THAP5: variants seen among roughly 807,000 people sequenced by gnomAD.
THAP5 encodes the protein THAP domain containing 5.
Under a neutral mutation model 34.0 loss-of-function variants are expected in THAP5, and 26 were observed. The ratio of observed to expected loss-of-function variants is 0.77; its 90% CI spans 0.56 to 1.06. The LOEUF (loss-of-function observed/expected upper bound fraction) is 1.06, where lower values mean the gene tolerates loss of function less well. Ranked by LOEUF, THAP5 falls within the 50% of genes least tolerant of loss-of-function variation. THAP5 has a pLI of 0.00. For synonymous variants in THAP5, 125 were observed against 153.0 expected (o/e 0.82, Z 1.35); for missense variants, 394 against 452.8 (o/e 0.87, Z 1.18).
the THAP5 span, among the ~76,000 whole-genome samples, chr7:108,544,155 C>T: frequency 6.6e-6 from 1 of 152,118 alleles, no homozygotes; most frequent in Non-Finnish European, 1.5e-5. Context: ...AAGTGATTTT[C>T]CTGATGAAGT....
At chr7:108,556,591 T>C (rs956437386) in intron 1 of THAP5, among the ~76,000 whole-genome samples, 2 of 152,228 alleles carry the variant, frequency 1.3e-5, no homozygotes, top group African/African-American at 2.4e-5. Context: ...ATCCAAGGCA[T>C]GCTGATGCAA....
chr7:108,552,103 C>T (rs1401914743), downstream of THAP5, among the ~76,000 whole-genome samples: 4 of 152,142 alleles, frequency 2.6e-5, no homozygotes, highest in Non-Finnish European at 5.9e-5. Context: ...TACACTTTCA[C>T]TTAACCTCTG....
Position 108,569,629 on chromosome 7 carries a change from C to G in THAP5, c.-60G>C. 3.9e-6 allele frequency: 6 copies of G among 1,541,596 alleles called. No individual in the cohort carries two copies. In the South Asian group the frequency reaches 7.2e-5, roughly 18 times the overall value. On this transcript the variant is annotated 5_prime_UTR_variant, in exon 1 of 3. Transcript: ENST00000415914. ...GACGGATGCAGGGCGGCCCTCCTCA[C>G]TGAGGATGCGCCACAGGTCCAGGCC...
rs1440006340 is a variant in THAP5 at position 108,564,195 on chromosome 7, A to G, written c.1184T>C (p.Ile395Thr). The G allele has an allele frequency of 6.3e-7, 1 of 1,576,934 alleles. No individual in the cohort carries two copies. Among genetic ancestry groups the G allele is most frequent in the South Asian group, 1.2e-5 (1 of 85,718 alleles). Residue 395 changes from isoleucine (I) to threonine (T), a missense_variant, in exon 3 of 3, where the codon ATA becomes ACA. Ile to Thr is a moderately conservative substitution (Grantham distance 89). Coordinates refer to ENST00000415914, the MANE Select transcript of THAP5 (RefSeq NM_001130475.3). ...NHFTTYEVTM[I>T] ...TAGTTTTAAAACCTAGTTATTCTATATCATAGTGACTTCATATGTTGTAAA... is the reference window on the plus strand; with the variant it reads ...TAGTTTTAAAACCTAGTTATTCTATGTCATAGTGACTTCATATGTTGTAAA...
chr7:108,558,818 AG>A (rs1355395701), downstream of THAP5, among the ~76,000 whole-genome samples: 1 of 152,198 alleles, frequency 6.6e-6, no homozygotes, highest in African/African-American at 2.4e-5. Context: ...TGAAATACAA[AG>A]TAGTTTTGAT....
chr7:108,545,763 T>C, the THAP5 span, among the ~76,000 whole-genome samples: 1 of 152,194 alleles, frequency 6.6e-6, no homozygotes, highest in Non-Finnish European at 1.5e-5. Flanking sequence ...ATTCTATATA[T>C]TGCAATTAAA....
intron 1 of THAP5, chr7:108,569,043 C>G (rs1389382368): frequency 1.0e-6 from 1 of 956,856 alleles, no homozygotes; most frequent in East Asian, 9.7e-5. Flanking sequence ...CTAATCATTC[C>G]GGGCCTCAGT....
chr7:108,557,321 C>A (rs1864393261), downstream of THAP5, among the ~76,000 whole-genome samples: 1 of 152,236 alleles, frequency 6.6e-6, no homozygotes, highest in African/African-American at 2.4e-5. Context: ...ACCGCATGTC[C>A]AGGCTGCAAA....
downstream of THAP5, among the ~76,000 whole-genome samples, chr7:108,560,121 T>C (rs1260423589): frequency 2.6e-5 from 4 of 152,252 alleles, no homozygotes; most frequent in African/African-American, 4.8e-5. Flanking sequence ...TAAGATTACA[T>C]GTTGTCTTGT....
At chr7:108,569,154 G>A (rs1790554410) in intron 1 of THAP5, 3 of 1,130,436 alleles carry the variant, frequency 2.7e-6, no homozygotes, top group Admixed American at 4.2e-5. Context: ...CAGGTTTCAC[G>A]TATCTTAAAT....
chr7:108,565,706 G>C, intron 2 of THAP5, 124 bp downstream of exon 2: 1 of 679,540 alleles, frequency 1.5e-6, no homozygotes, highest in East Asian at 3.1e-5. Flanking sequence ...ACAAATTAGT[G>C]CTCCCTTTTT....
chr7:108,561,084 A>C (rs900721372), downstream of THAP5, among the ~76,000 whole-genome samples: 5 of 152,068 alleles, frequency 3.3e-5, no homozygotes, highest in Non-Finnish European at 7.4e-5. Context: ...TGAGCCTTTC[A>C]GTTCTGTTCT....
chr7:108,545,648 ATTTAGAT>A, the THAP5 span, among the ~76,000 whole-genome samples: 2 of 152,200 alleles, frequency 1.3e-5, no homozygotes, highest in African/African-American at 4.8e-5. Flanking sequence ...TCAATTTAGA[ATTTAGAT>A]AATTCCAACA....
downstream of THAP5, among the ~76,000 whole-genome samples, chr7:108,558,377 G>GTGTGTGTGTGTGTATATATA (rs1401164750): frequency 1.6e-5 from 1 of 63,042 alleles, no homozygotes; most frequent in Non-Finnish European, 2.9e-5. Context: ...ATGTGTGTGT[G>GTGTGTGTGTGTGTATATATA]TATGTATATA....
downstream of THAP5, among the ~76,000 whole-genome samples, chr7:108,558,381 G>GTATGTATATATATATATATATATATA (rs1554694585): frequency 1.1e-5 from 1 of 93,822 alleles, no homozygotes; most frequent in African/African-American, 4.6e-5. Flanking sequence ...GTGTGTGTAT[G>GTATGTATATATATATATATATATATA]TATATATATA....
At chr7:108,559,251 A>G (rs1336945342), downstream of THAP5, among the ~76,000 whole-genome samples, 1 of 152,264 alleles carries the variant, frequency 6.6e-6, no homozygotes, top group Admixed American at 6.5e-5. Context: ...TATGGGAGCT[A>G]GACGGAGTCA....
chr7:108,569,753 G>C (rs958685710), upstream of THAP5: 4 of 744,956 alleles, frequency 5.4e-6, no homozygotes, highest in African/African-American at 7.1e-5. Flanking sequence ...CCTTTTCGGG[G>C]GTTGAAGCCG....
chr7:108,542,895 A>G, the THAP5 span, among the ~76,000 whole-genome samples: 2 of 151,928 alleles, frequency 1.3e-5, no homozygotes, highest in Admixed American at 6.6e-5. Context: ...CTAGAAGACT[A>G]GGCTCAAAAC....
At chr7:108,543,379 T>A in the THAP5 span, among the ~76,000 whole-genome samples, 2 of 152,146 alleles carry the variant, frequency 1.3e-5, no homozygotes, top group African/African-American at 2.4e-5. Context: ...TGAGCTAGGT[T>A]TGGGAGCCCT....
Sources: allele counts gnomAD v4.1 joint callset (sites outside exome capture counted in the v4.1 genomes callset), GRCh38; gene constraint gnomAD v4.1.1; transcripts MANE v1.5; gene names NCBI Gene and HGNC (gene_info 2026-07-23, HGNC 2026-07-21).